The following COL5A1 variants were observed in gnomAD, a reference collection of about 807,000 sequenced individuals.
COL5A1 encodes the protein collagen type V alpha 1 chain.
Under a neutral mutation model 263.7 loss-of-function variants are expected in COL5A1, and 16 were observed. The observed-to-expected ratio is 0.06, with a 90% CI of 0.04 to 0.09. The LOEUF is 0.09. COL5A1 is among the 10% of genes least tolerant of loss of function. COL5A1 has a pLI of 1.00. For synonymous variants in COL5A1, 1,012 were observed against 1,004.5 expected (o/e 1.01, Z -0.14); for missense variants, 2,036 against 2,540.5 (o/e 0.80, Z 4.27).
Position 134,700,517 on chromosome 9 carries a change from C to T in COL5A1, c.491+395C>T, listed in dbSNP as rs754207278. 2.6e-5 allele frequency among the ~76,000 whole-genome samples: 4 copies of T among 152,154 alleles called. No homozygotes were observed. The highest frequency in any genetic ancestry group is 4.4e-5 in the Non-Finnish European group (3 of 68,028). Reference sequence around the variant, plus strand: ...GAGTGGGAGTGAGCATGAGAAAAAGCGGGTCGTGCCAGCACGCTCTGTTGG... The same window carrying T: ...GAGTGGGAGTGAGCATGAGAAAAAGTGGGTCGTGCCAGCACGCTCTGTTGG... On this transcript the variant is annotated intron_variant, in intron 3 of 65. Transcript: ENST00000371817. The surrounding 1 kb of genome is among the most constrained non-coding windows in gnomAD (Gnocchi z 4.0).
intron 11 of COL5A1, among the ~76,000 whole-genome samples, chr9:134,743,384 G>C (rs1243803966): frequency 6.6e-6 from 1 of 152,078 alleles, no homozygotes; most frequent in East Asian, 1.9e-4. Context: ...CTCATCTATT[G>C]CTCTTAAGAG....
At chr9:134,760,541 CCCACACACACACGCACA>C (rs1564440480) in intron 18 of COL5A1, among the ~76,000 whole-genome samples, 35 of 132,938 alleles carry the variant, frequency 2.6e-4, no homozygotes, top group Admixed American at 7.6e-4. Flanking sequence ...CACTCATACA[CCCACACACACACGCACA>C]TACACACCCA....
chr9:134,724,679 G>T (rs550753534), intron 4 of COL5A1, among the ~76,000 whole-genome samples: 1 of 152,336 alleles, frequency 6.6e-6, no homozygotes, highest in East Asian at 1.9e-4. Context: ...GGCACCCTGG[G>T]AGTGAGGGTG....
At chr9:134,774,333 G>A (rs976231057) in intron 26 of COL5A1, among the ~76,000 whole-genome samples, 3 of 152,156 alleles carry the variant, frequency 2.0e-5, no homozygotes, top group East Asian at 1.9e-4. Flanking sequence ...GGTGGGAGCC[G>A]TTCATCATGC....
chr9:134,696,492 A>G lies in COL5A1; in HGVS notation c.278-3417A>G, dbSNP rs1442177999. ...TCGCCCAGCCTGCAATTATTTAACT[A>G]ACTGGTTTGGTTTGATGATTTCTGT... On this transcript the variant is annotated intron_variant, in intron 2 of 65. Transcript: ENST00000371817. The surrounding 1 kb of genome is among the most constrained non-coding windows in gnomAD (Gnocchi z 4.3). 6.6e-6 allele frequency among the ~76,000 whole-genome samples: 1 copy of G among 152,006 alleles called. No homozygotes were observed. Among genetic ancestry groups the G allele is most frequent in the Non-Finnish European group, 1.5e-5 (1 of 67,998 alleles).
At chr9:134,654,835 G>A (rs979472460) in intron 1 of COL5A1, among the ~76,000 whole-genome samples, 1 of 131,892 alleles carries the variant, frequency 7.6e-6, no homozygotes, top group African/African-American at 2.9e-5. Context: ...TGCTGGTGGT[G>A]TGTGGGGCTC....
At chr9:134,822,467 C>G (rs1239941520) in intron 59 of COL5A1, among the ~76,000 whole-genome samples, 1 of 152,156 alleles carries the variant, frequency 6.6e-6, no homozygotes, top group Non-Finnish European at 1.5e-5. Flanking sequence ...CCAGCCCTCC[C>G]AATTCCCAGG....
chr9:134,793,348 A>G (rs1429652322), intron 32 of COL5A1, among the ~76,000 whole-genome samples: 2 of 150,504 alleles, frequency 1.3e-5, no homozygotes, highest in Non-Finnish European at 3.0e-5. Context: ...AGGTGCCCAC[A>G]AGCAATTTGC....
At chr9:134,666,316 G>T (rs117675657) in intron 1 of COL5A1, among the ~76,000 whole-genome samples, 1 of 152,178 alleles carries the variant, frequency 6.6e-6, no homozygotes, top group Non-Finnish European at 1.5e-5. Context: ...AGTAAACTGG[G>T]GGCAGAGAAA....
chr9:134,642,314 C>T lies in COL5A1; in HGVS notation c.109+18C>T. 2 of 816,664 alleles carry T rather than the reference C, an allele frequency of 2.4e-6. No individual in the cohort carries two copies. The highest frequency in any genetic ancestry group is 3.2e-6 in the Non-Finnish European group (2 of 633,214). The allele number at this position is 816,664 out of a possible 1,614,324, so 50.6% of individuals were successfully genotyped here. A position where few individuals can be genotyped will look rare whatever the true frequency, so the allele number is the denominator to read the frequency against. ...CCGCGCAGGTAAGGGCGCCCCGGGG[C>T]GCGGGGCTGCGGGATGGGGCGCGCG... On this transcript the variant is annotated intron_variant, in intron 1 of 65. Coordinates refer to ENST00000371817, the MANE Select transcript of COL5A1 (RefSeq NM_000093.5). This position sits in a 1 kb window ranked among gnomAD's most constrained non-coding sequence, Gnocchi z 4.5.
chr9:134,777,318 T>A (rs1444869300), intron 27 of COL5A1, among the ~76,000 whole-genome samples: 1 of 152,312 alleles, frequency 6.6e-6, no homozygotes, highest in Admixed American at 6.5e-5. Context: ...AGCTCCTGAG[T>A]GCTCCTTCCC....
chr9:134,663,306 G>A (rs559074890), intron 1 of COL5A1, among the ~76,000 whole-genome samples: 2 of 152,334 alleles, frequency 1.3e-5, no homozygotes, highest in East Asian at 1.9e-4. Context: ...GTCCCAGAAC[G>A]TAGCACACTT....
intron 62 of COL5A1, among the ~76,000 whole-genome samples, chr9:134,825,416 A>AT: frequency 6.6e-6 from 1 of 152,310 alleles, no homozygotes; most frequent in South Asian, 2.1e-4. Flanking sequence ...CCCCTGCAAG[A>AT]TTCGAGGGAT....
At chr9:134,836,478 C>T (rs900654257) in intron 65 of COL5A1, among the ~76,000 whole-genome samples, 6 of 152,224 alleles carry the variant, frequency 3.9e-5, no homozygotes, top group Non-Finnish European at 8.8e-5. Context: ...AAGGTCCAAG[C>T]CATGGCACCG....
intron 41 of COL5A1, 48 bp from the exon 42 acceptor site, chr9:134,806,141 C>T (rs769499314): frequency 1.0e-5 from 14 of 1,378,096 alleles, no homozygotes; most frequent in Admixed American, 3.9e-5. Flanking sequence ...GTCACGACCA[C>T]GCAGTCTGAG....
At chr9:134,779,955 A>C in intron 27 of COL5A1, 147 bp from the exon 28 acceptor site, 1 of 844,034 alleles carries the variant, frequency 1.2e-6, no homozygotes, top group Non-Finnish European at 2.0e-6. Flanking sequence ...CCACAGGGGG[A>C]CATATGGGAG....
At position 134,682,926 on chromosome 9, in the gene COL5A1, A is replaced by G. The variant is rs1320802193; in HGVS notation, c.110-7986A>G. Among the ~76,000 whole-genome samples the G allele has an allele frequency of 1.3e-5, 2 of 152,198 alleles. No homozygotes were observed. Among genetic ancestry groups the G allele is most frequent in the Non-Finnish European group, 2.9e-5 (2 of 68,024 alleles). ...GGCAGCCGACCCATAGCCAGTGCTTAAAGATATTGAACTTGTTTAGGGGAA... is the reference window on the plus strand; with the variant it reads ...GGCAGCCGACCCATAGCCAGTGCTTGAAGATATTGAACTTGTTTAGGGGAA... On this transcript the variant is annotated intron_variant, in intron 1 of 65. Coordinates refer to ENST00000371817, the MANE Select transcript of COL5A1 (RefSeq NM_000093.5). This position sits in a 1 kb window ranked among gnomAD's most constrained non-coding sequence, Gnocchi z 5.1.
chr9:134,775,068 G>C (rs1388375813), intron 27 of COL5A1, among the ~76,000 whole-genome samples, 156 bp downstream of exon 27: 25 of 152,230 alleles, frequency 1.6e-4, no homozygotes, highest in Admixed American at 1.6e-3. Flanking sequence ...GTGGACGCTA[G>C]GTCTCAGGAC....
At chr9:134,658,557 G>A (rs1055386741) in intron 1 of COL5A1, among the ~76,000 whole-genome samples, 12 of 152,192 alleles carry the variant, frequency 7.9e-5, no homozygotes, top group Non-Finnish European at 2.9e-5. Flanking sequence ...GGGCCTGGCC[G>A]ATTACAAACA....
Sources: gnomAD v4.1 joint callset for allele counts (sites outside exome capture counted in the v4.1 genomes callset) on GRCh38, gnomAD v4.1.1 for gene constraint, Gnocchi (gnomAD v3.1) non-coding constraint, MANE v1.5 for transcripts, NCBI Gene and HGNC (gene_info 2026-07-23, HGNC 2026-07-21) for gene names.